Variants in TAF3 observed in about 807,000 individuals in gnomAD.
The protein encoded by TAF3 is TATA-box binding protein associated factor 3.
TAF3 carries 7 observed loss-of-function variants against 80.6 expected under a neutral mutation model. That is an observed-to-expected ratio of 0.09 (90% CI 0.05 to 0.16). The LOEUF (loss-of-function observed/expected upper bound fraction) is 0.16. Ranked by LOEUF, TAF3 falls within the 10% of genes least tolerant of loss-of-function variation. The probability of loss-of-function intolerance (pLI) is 1.00; values close to 1 mark genes in which losing one functional copy is unlikely to be tolerated. For missense variants in TAF3, 921 were observed against 1,140.2 expected (o/e 0.81, Z 2.77); for synonymous variants, 444 against 446.1 (o/e 1.00, Z 0.06).
At chr10:7,960,980 A>T (rs1326297067) in intron 2 of TAF3, among the ~76,000 whole-genome samples, 2 of 152,146 alleles carry the variant, frequency 1.3e-5, no homozygotes, top group African/African-American at 4.8e-5. Flanking sequence ...TTCTGAAGGA[A>T]GCAATGAAAG....
intron 4 of TAF3, among the ~76,000 whole-genome samples, chr10:8,006,622 A>G (rs1831996666): frequency 6.6e-6 from 1 of 152,250 alleles, no homozygotes; most frequent in Non-Finnish European, 1.5e-5. Flanking sequence ...CAAATAGAGA[A>G]CAATTCGACA....
intron 2 of TAF3, among the ~76,000 whole-genome samples, chr10:7,940,993 AAAC>A (rs1165082138): frequency 6.6e-6 from 1 of 152,052 alleles, no homozygotes; most frequent in East Asian, 1.9e-4. Context: ...AAGAAAAAGA[AAAC>A]AATATAAAAT....
intron 4 of TAF3, among the ~76,000 whole-genome samples, chr10:8,007,622 T>A (rs1342740141): frequency 1.6e-5 from 2 of 128,494 alleles, no homozygotes; most frequent in Admixed American, 8.4e-5. Flanking sequence ...CTTTTTTTTT[T>A]AATAAAGAAG....
At chr10:7,825,329 A>AT (rs1836729293) in intron 2 of TAF3, among the ~76,000 whole-genome samples, 1 of 152,302 alleles carries the variant, frequency 6.6e-6, no homozygotes, top group African/African-American at 2.4e-5. Flanking sequence ...TTTACTTATG[A>AT]TTTTCTATTG....
chr10:7,894,757 G>A (rs1442339670), intron 2 of TAF3, among the ~76,000 whole-genome samples: 4 of 152,178 alleles, frequency 2.6e-5, no homozygotes, highest in African/African-American at 9.7e-5. Flanking sequence ...CCCTGGGCTG[G>A]AGTGTAGGCT....
intron 2 of TAF3, among the ~76,000 whole-genome samples, chr10:7,835,113 A>G (rs1448691823): frequency 6.6e-6 from 1 of 152,192 alleles, no homozygotes; most frequent in Non-Finnish European, 1.5e-5. Flanking sequence ...AGCCTTTAGA[A>G]CACAGGTGTC....
chr10:7,872,140 C>CT (rs1180501217), intron 2 of TAF3, among the ~76,000 whole-genome samples: 1 of 147,860 alleles, frequency 6.8e-6, no homozygotes, highest in African/African-American at 2.5e-5. Context: ...TCTAATTTTT[C>CT]TTTTTTTAAC....
chr10:7,855,900 T>C (rs1837073920), intron 2 of TAF3, among the ~76,000 whole-genome samples: 1 of 142,112 alleles, frequency 7.0e-6, no homozygotes, highest in African/African-American at 2.6e-5. Context: ...CTGGCCAATA[T>C]AGCGAGACCC....
At chr10:7,852,644 G>C (rs1256638084) in intron 2 of TAF3, among the ~76,000 whole-genome samples, 1 of 152,198 alleles carries the variant, frequency 6.6e-6, no homozygotes, top group Admixed American at 6.5e-5. Context: ...GTGTAACTCC[G>C]TCAGAGTACA....
rs368439719 is a variant in TAF3 at position 7,965,362 on chromosome 10, G to T, written c.1852G>T (p.Asp618Tyr). Reference sequence around the variant, plus strand: ...GAGGAAGGAGAAAGAGAAGCATAAAGATAAGAAGAAAGATAGAGAGAAAGG... The same window carrying T: ...GAGGAAGGAGAAAGAGAAGCATAAATATAAGAAGAAAGATAGAGAGAAAGG... Reference protein sequence around the residue: ...LVRKEKEKHKDKKKDREKGKK... With the variant: ...LVRKEKEKHKYKKKDREKGKK... Residue 618 changes from aspartate (D) to tyrosine (Y), a missense_variant, in exon 3 of 7, where the codon GAT becomes TAT. This residue lies in a region of TAF3 where 743 missense variants were observed against 821.0 expected (regional missense o/e 0.90). Coordinates refer to ENST00000344293, the MANE Select transcript of TAF3 (RefSeq NM_031923.4). 58 of 1,605,758 alleles carry T rather than the reference G, an allele frequency of 3.6e-5. No homozygotes were observed. The Middle Eastern group carries it at 5.0e-4, about 14-fold the overall frequency.
chr10:7,977,861 A>G (rs947223528), intron 4 of TAF3, among the ~76,000 whole-genome samples: 4 of 152,198 alleles, frequency 2.6e-5, no homozygotes, highest in African/African-American at 9.7e-5. Context: ...TAGAAATGCA[A>G]ACCCCACGTT....
At chr10:7,996,080 T>C (rs1831884567) in intron 4 of TAF3, among the ~76,000 whole-genome samples, 1 of 152,208 alleles carries the variant, frequency 6.6e-6, no homozygotes, top group African/African-American at 2.4e-5. Flanking sequence ...GTGTTAGTTT[T>C]CTATTTCCAC....
intron 2 of TAF3, among the ~76,000 whole-genome samples, chr10:7,853,883 G>C (rs1837052529): frequency 6.6e-6 from 1 of 152,164 alleles, no homozygotes; most frequent in Non-Finnish European, 1.5e-5. Context: ...ACCACAGGTT[G>C]GCCACTGATA....
intron 5 of TAF3, among the ~76,000 whole-genome samples, chr10:8,010,256 C>T (rs1458574664): frequency 6.6e-6 from 1 of 152,146 alleles, no homozygotes; most frequent in Non-Finnish European, 1.5e-5. Flanking sequence ...AAGCTTTTGG[C>T]TGAAAAGTTA....
At chr10:7,986,060 A>G (rs1831774269) in intron 4 of TAF3, among the ~76,000 whole-genome samples, 1 of 152,160 alleles carries the variant, frequency 6.6e-6, no homozygotes, top group African/African-American at 2.4e-5. Flanking sequence ...CTGGGATTAC[A>G]GGCATGAGCC....
chr10:8,006,862 G>C (rs531254852), intron 4 of TAF3, among the ~76,000 whole-genome samples: 1 of 152,224 alleles, frequency 6.6e-6, no homozygotes, highest in Non-Finnish European at 1.5e-5. Flanking sequence ...TCTGGATGCA[G>C]TTTTTGAAGT....
intron 2 of TAF3, among the ~76,000 whole-genome samples, chr10:7,939,246 A>G (rs1331752167): frequency 6.6e-6 from 1 of 152,214 alleles, no homozygotes; most frequent in Non-Finnish European, 1.5e-5. Flanking sequence ...TGGGCTCAGT[A>G]CTGAAATGCA....
At chr10:7,928,562 C>T (rs146478556) in intron 2 of TAF3, among the ~76,000 whole-genome samples, 219 of 152,258 alleles carry the variant, frequency 1.4e-3, no homozygotes, top group African/African-American at 4.1e-3. Flanking sequence ...ATAATAATTA[C>T]TGTAATTCCT....
intron 2 of TAF3, among the ~76,000 whole-genome samples, chr10:7,849,516 A>T (rs867252907): frequency 1.3e-5 from 2 of 152,198 alleles, no homozygotes; most frequent in African/African-American, 2.4e-5. Context: ...GCTAAATTTT[A>T]AAAAATTATG....
Sources: allele counts gnomAD v4.1 joint callset (sites outside exome capture counted in the v4.1 genomes callset), GRCh38; gene constraint gnomAD v4.1.1; regional missense constraint gnomAD v4.1.1; transcripts MANE v1.5; gene names NCBI Gene and HGNC (gene_info 2026-07-23, HGNC 2026-07-21).